GPR176: variants seen among roughly 807,000 people sequenced by gnomAD.
GPR176 encodes the protein G-protein coupled receptor 176.
In GPR176, 26 loss-of-function variants were observed where a neutral mutation model predicts 35.4. The ratio of observed to expected loss-of-function variants is 0.74; its 90% CI spans 0.54 to 1.02. GPR176 has a LOEUF of 1.02. GPR176 is among the 50% of genes least tolerant of loss of function. The pLI, the probability that GPR176 is intolerant of heterozygous loss-of-function variation, is 0.00. For synonymous variants in GPR176, 278 were observed against 271.3 expected (o/e 1.02, Z -0.24); for missense variants, 597 against 665.3 (o/e 0.90, Z 1.13).
At chr15:39,803,563 G>A (rs1899018670) in intron 2 of GPR176, among the ~76,000 whole-genome samples, 1 of 152,078 alleles carries the variant, frequency 6.6e-6, no homozygotes, top group Admixed American at 6.6e-5. Context: ...TTACAGACGT[G>A]AGCCACCGTG....
intron 1 of GPR176, among the ~76,000 whole-genome samples, chr15:39,868,022 G>A (rs1467066391): frequency 6.6e-6 from 1 of 152,078 alleles, no homozygotes; most frequent in Non-Finnish European, 1.5e-5. Flanking sequence ...AAGCCATGAT[G>A]CCACCTGTTA....
At chr15:39,814,120 T>C (rs745820811) in intron 1 of GPR176, among the ~76,000 whole-genome samples, 2 of 152,344 alleles carry the variant, frequency 1.3e-5, no homozygotes, top group East Asian at 1.9e-4. Flanking sequence ...ACTGTGCATG[T>C]TACCTCTATC....
chr15:39,873,127 G>A (rs548944711), intron 1 of GPR176, among the ~76,000 whole-genome samples: 2 of 152,204 alleles, frequency 1.3e-5, no homozygotes, highest in Non-Finnish European at 2.9e-5. Context: ...TAAACATTAA[G>A]CACTATACTT....
chr15:39,877,431 A>G (rs2032293109), intron 1 of GPR176, among the ~76,000 whole-genome samples: 1 of 152,204 alleles, frequency 6.6e-6, no homozygotes, highest in Non-Finnish European at 1.5e-5. Context: ...ATGTGAGCAA[A>G]TATTTTTCTA....
intron 1 of GPR176, among the ~76,000 whole-genome samples, chr15:39,844,860 C>G (rs2030307050): frequency 6.6e-6 from 1 of 152,042 alleles, no homozygotes; most frequent in African/African-American, 2.4e-5. Context: ...CTAGGGTGAC[C>G]AACCATCCTG....
At chr15:39,835,303 G>GC (rs1393296693) in intron 1 of GPR176, among the ~76,000 whole-genome samples, 1 of 152,028 alleles carries the variant, frequency 6.6e-6, no homozygotes, top group Non-Finnish European at 1.5e-5. Context: ...ACAGGAATGA[G>GC]CCACTGTGCC....
intron 1 of GPR176, among the ~76,000 whole-genome samples, chr15:39,895,433 A>G (rs2033085213): frequency 1.3e-5 from 2 of 152,250 alleles, no homozygotes; most frequent in Non-Finnish European, 2.9e-5. Context: ...TATAAATACA[A>G]TGAACAGTTG....
chr15:39,821,930 G>A (rs1168194657), intron 1 of GPR176, among the ~76,000 whole-genome samples: 1 of 152,240 alleles, frequency 6.6e-6, no homozygotes, highest in Non-Finnish European at 1.5e-5. Flanking sequence ...AATAGGACAT[G>A]ACAGAAATGT....
chr15:39,887,130 A>G (rs2032702533), intron 1 of GPR176, among the ~76,000 whole-genome samples: 1 of 152,196 alleles, frequency 6.6e-6, no homozygotes, highest in Non-Finnish European at 1.5e-5. Flanking sequence ...GTAGATTGGG[A>G]GTGCATCCCA....
At chr15:39,872,049 A>G (rs2032061108) in intron 1 of GPR176, among the ~76,000 whole-genome samples, 1 of 152,208 alleles carries the variant, frequency 6.6e-6, no homozygotes, top group South Asian at 2.1e-4. Flanking sequence ...TATGCAACCC[A>G]CTGAGTTAGG....
chr15:39,852,185 G>T (rs2030920612), intron 1 of GPR176, among the ~76,000 whole-genome samples: 1 of 152,152 alleles, frequency 6.6e-6, no homozygotes. Context: ...AAAAAATCAT[G>T]AAGGCAGTGA....
chr15:39,876,760 T>C (rs1375759444), intron 1 of GPR176, among the ~76,000 whole-genome samples: 1 of 151,040 alleles, frequency 6.6e-6, no homozygotes, highest in Non-Finnish European at 1.5e-5. Context: ...GCCCAGGAGG[T>C]TGAGGTTGCA....
At chr15:39,860,832 C>T (rs2031540660) in intron 1 of GPR176, 1 of 152,102 alleles carries the variant, frequency 6.6e-6, no homozygotes, top group Non-Finnish European at 1.5e-5. Context: ...GAAAATGAAA[C>T]GTAAGTTCCA....
chr15:39,857,468 G>A (rs557856029), intron 1 of GPR176, among the ~76,000 whole-genome samples: 3 of 151,904 alleles, frequency 2.0e-5, no homozygotes, highest in African/African-American at 7.3e-5. Context: ...CCAGAAGTTA[G>A]AGACCAGCCT....
intron 1 of GPR176, among the ~76,000 whole-genome samples, chr15:39,823,330 G>T (rs1900402595): frequency 6.6e-6 from 1 of 151,942 alleles, no homozygotes; most frequent in Non-Finnish European, 1.5e-5. Context: ...CTAAGCATTT[G>T]ACCTTTCCCA....
At chr15:39,844,224 G>C (rs945212781) in intron 1 of GPR176, among the ~76,000 whole-genome samples, 2 of 152,124 alleles carry the variant, frequency 1.3e-5, no homozygotes, top group African/African-American at 4.8e-5. Context: ...ATATTACATG[G>C]GGTGCTTGTA....
At chr15:39,852,029 A>G (rs2030910769) in intron 1 of GPR176, among the ~76,000 whole-genome samples, 1 of 152,206 alleles carries the variant, frequency 6.6e-6, no homozygotes, top group Non-Finnish European at 1.5e-5. Flanking sequence ...CAAGGCAACA[A>G]TAACCTACTG....
intron 1 of GPR176, chr15:39,862,297 A>G (rs998408796): frequency 5.3e-5 from 8 of 152,246 alleles, no homozygotes; most frequent in Non-Finnish European, 1.2e-4. Flanking sequence ...GTAAGAATAT[A>G]AGGTAAGAAC....
chr15:39,883,380 T>A (rs533779552), intron 1 of GPR176, among the ~76,000 whole-genome samples: 7 of 151,154 alleles, frequency 4.6e-5, no homozygotes, highest in East Asian at 1.9e-4. Context: ...GCATGCTTTT[T>A]AAAAAAAAAC....
Sources: allele counts gnomAD v4.1 joint callset (sites outside exome capture counted in the v4.1 genomes callset), GRCh38; gene constraint gnomAD v4.1.1; transcripts MANE v1.5; gene names NCBI Gene and HGNC (gene_info 2026-07-23, HGNC 2026-07-21).